The following CRTC3 variants were observed in gnomAD, a reference collection of about 807,000 sequenced individuals.
The protein encoded by CRTC3 is CREB-regulated transcription coactivator 3.
A neutral mutation model predicts 74.5 loss-of-function variants in CRTC3; 26 were observed. The observed-to-expected ratio is 0.35, with a 90% confidence interval of 0.26 to 0.48. CRTC3 has a LOEUF of 0.48. Among genes scored for constraint, CRTC3 ranks in the 20% least tolerant of loss-of-function variants. The probability of loss-of-function intolerance (pLI) is 0.99; values close to 1 mark genes in which losing one functional copy is unlikely to be tolerated. For missense variants in CRTC3, 760 were observed against 787.3 expected, an observed-to-expected ratio of 0.97 and a Z score of 0.41; for synonymous variants, 377 against 325.8, an observed-to-expected ratio of 1.16 and a Z score of -1.69.
chr15:90,618,117 G>A (rs1968541736), intron 8 of CRTC3, 149 bp downstream of exon 8: 1 of 480,888 alleles, frequency 2.1e-6, no homozygotes, highest in Non-Finnish European at 3.8e-6. Flanking sequence ...ACAAGGGAAG[G>A]ACGTTTCAAG....
At chr15:90,556,003 A>G (rs1224500587) in intron 2 of CRTC3, among the ~76,000 whole-genome samples, 1 of 152,164 alleles carries the variant, frequency 6.6e-6, no homozygotes, top group African/African-American at 2.4e-5. Context: ...TTCATCAACT[A>G]GAGATTACCA....
At chr15:90,627,255 G>T (rs1968870756) in intron 10 of CRTC3, among the ~76,000 whole-genome samples, 2 of 152,156 alleles carry the variant, frequency 1.3e-5, no homozygotes, top group South Asian at 4.1e-4. Context: ...GGTCATTTTA[G>T]TATCCTTAAT....
At chr15:90,622,775 C>T (rs1344918334) in intron 9 of CRTC3, among the ~76,000 whole-genome samples, 6 of 152,098 alleles carry the variant, frequency 3.9e-5, no homozygotes, top group East Asian at 1.9e-4. Flanking sequence ...TGTTTGAACC[C>T]GGGAGGCAGA....
At chr15:90,582,933 T>C (rs1208665688) in intron 2 of CRTC3, among the ~76,000 whole-genome samples, 1 of 152,162 alleles carries the variant, frequency 6.6e-6, no homozygotes, top group Non-Finnish European at 1.5e-5. Context: ...ACATAGACCT[T>C]ATTCTCTGCC....
At chr15:90,555,017 A>G (rs1966876917) in intron 2 of CRTC3, among the ~76,000 whole-genome samples, 1 of 152,122 alleles carries the variant, frequency 6.6e-6, no homozygotes, top group Non-Finnish European at 1.5e-5. Context: ...AATTGGCCAT[A>G]CTCTGGCTAT....
At chr15:90,555,285 A>C (rs1451705396) in intron 2 of CRTC3, among the ~76,000 whole-genome samples, 3 of 152,176 alleles carry the variant, frequency 2.0e-5, no homozygotes, top group Non-Finnish European at 4.4e-5. Context: ...ATTTGTTCTG[A>C]CTATTAAAAT....
intron 2 of CRTC3, among the ~76,000 whole-genome samples, chr15:90,581,792 T>C (rs564911784): frequency 6.6e-6 from 1 of 152,212 alleles, no homozygotes; most frequent in Non-Finnish European, 1.5e-5. Context: ...CTCAGTGAAG[T>C]GTCCTACCAA....
intron 2 of CRTC3, among the ~76,000 whole-genome samples, chr15:90,565,691 CTGT>C (rs1967108103): frequency 6.6e-6 from 1 of 152,172 alleles, no homozygotes; most frequent in Admixed American, 6.5e-5. Context: ...ATTATTATAT[CTGT>C]TATGGTGATC....
intron 11 of CRTC3, among the ~76,000 whole-genome samples, chr15:90,630,756 A>ATTTT (rs1175467073): frequency 0.01 from 246 of 23,668 alleles, 71 homozygotes; most frequent in African/African-American, 0.015. Context: ...TTACAGCATC[A>ATTTT]TTTTTTTTTT....
intron 2 of CRTC3, among the ~76,000 whole-genome samples, chr15:90,582,910 A>G (rs1967576625): frequency 6.6e-6 from 1 of 152,186 alleles, no homozygotes; most frequent in South Asian, 2.1e-4. Context: ...CCAGGTGAGA[A>G]GCTCTGCCTG....
chr15:90,631,396 C>T (rs1379491839), intron 11 of CRTC3, among the ~76,000 whole-genome samples: 1 of 152,116 alleles, frequency 6.6e-6, no homozygotes, highest in Non-Finnish European at 1.5e-5. Flanking sequence ...AGGCCCATGT[C>T]ACCACACCCA....
chr15:90,592,106 CAA>C (rs1967813970), intron 2 of CRTC3, among the ~76,000 whole-genome samples: 1 of 152,088 alleles, frequency 6.6e-6, no homozygotes, highest in Non-Finnish European at 1.5e-5. Context: ...TTCTCAAAAC[CAA>C]AATGAGAAAA....
chr15:90,537,113 T>G (rs529497523), intron 1 of CRTC3, among the ~76,000 whole-genome samples: 81 of 152,332 alleles, frequency 5.3e-4, no homozygotes, highest in African/African-American at 1.9e-3. Flanking sequence ...TCTGTAAACA[T>G]GAAGGTGTTG....
At position 90,625,757 on chromosome 15, in the gene CRTC3, T is replaced by C. The variant is rs761460886; in HGVS notation, c.750-19T>C. On this transcript the variant is annotated intron_variant, in intron 9 of 14. Coordinates refer to ENST00000268184, the MANE Select transcript of CRTC3 (RefSeq NM_022769.5). Reference sequence around the variant, plus strand: ...CCAAATACATTGTAGAAAGTCATTCTTAATCTTTCTTTTTTCAGTGCTTTT... The same window carrying C: ...CCAAATACATTGTAGAAAGTCATTCCTAATCTTTCTTTTTTCAGTGCTTTT... 5.0e-6 allele frequency: 8 copies of C among 1,599,172 alleles called. No homozygotes were observed. The East Asian group carries it at 8.9e-5, about 18-fold the overall frequency.
intron 2 of CRTC3, among the ~76,000 whole-genome samples, chr15:90,543,536 A>G (rs914763991): frequency 3.3e-5 from 5 of 152,202 alleles, no homozygotes; most frequent in Non-Finnish European, 7.3e-5. Context: ...CAATGAAAGC[A>G]CAGATTTATT....
rs76832984 is a variant in CRTC3, at chr15:90,630,088, T to A, written c.1266+556T>A. ...GTGTTGATTACTCTTTAAGCAAATG[T>A]TGAACAATCTGTAGTCACTAACTCA... On this transcript the variant is annotated intron_variant, in intron 11 of 14. Coordinates refer to ENST00000268184, the MANE Select transcript of CRTC3 (RefSeq NM_022769.5). 3.7e-4 allele frequency among the ~76,000 whole-genome samples: 56 copies of A among 152,300 alleles called. No individual in the cohort carries two copies. In the East Asian group the frequency reaches 0.01, roughly 28 times the overall value.
intron 2 of CRTC3, among the ~76,000 whole-genome samples, chr15:90,583,557 G>A (rs2151074183): frequency 6.6e-6 from 1 of 152,320 alleles, no homozygotes; most frequent in Non-Finnish European, 1.5e-5. Flanking sequence ...CCATCTAGGT[G>A]GTTCAAGGGC....
chr15:90,588,526 T>C (rs1225993133), intron 2 of CRTC3, among the ~76,000 whole-genome samples: 1 of 152,186 alleles, frequency 6.6e-6, no homozygotes. Context: ...GAAAAGAGTA[T>C]GAGAGTTTCT....
intron 3 of CRTC3, chr15:90,595,941 C>T (rs1261891773): frequency 1.3e-5 from 2 of 152,198 alleles, no homozygotes; most frequent in African/African-American, 2.4e-5. Context: ...AACAAGCAGC[C>T]ACGGCAGGTA....
Sources: allele counts gnomAD v4.1 joint callset (sites outside exome capture counted in the v4.1 genomes callset), GRCh38; gene constraint gnomAD v4.1.1; transcripts MANE v1.5; gene names NCBI Gene and HGNC (gene_info 2026-07-23, HGNC 2026-07-21).